EOGT: variants seen among roughly 807,000 people sequenced by gnomAD.
EOGT encodes EGF domain specific O-linked N-acetylglucosamine transferase.
Under a neutral mutation model 70.5 loss-of-function variants are expected in EOGT, and 55 were observed. That is an observed-to-expected ratio of 0.78 (90% CI 0.63 to 0.98). The LOEUF (loss-of-function observed/expected upper bound fraction) is 0.98, where lower values mean the gene tolerates loss of function less well. Among genes scored for constraint, EOGT ranks in the 50% least tolerant of loss-of-function variants. EOGT has a pLI of 0.00. For missense variants in EOGT, 703 were observed against 641.9 expected (o/e 1.10, Z -1.03); for synonymous variants, 246 against 217.1 (o/e 1.13, Z -1.17).
At position 68,988,493 on chromosome 3, in the gene EOGT, A is replaced by G. The variant is rs1287780470; in HGVS notation, c.996+13T>C. 1 of 1,518,726 alleles carries G rather than the reference A, an allele frequency of 6.6e-7. No homozygotes were observed. Among genetic ancestry groups the G allele is most frequent in the East Asian group, 2.4e-5 (1 of 40,824 alleles). 94.1% of individuals were successfully genotyped at this position (1,518,726 alleles called of 1,614,324 possible). ...CTGTAAATATGAATGCTAATGGTAG[A>G]CAATGTGCTTACCAGAGGAGTATTA... On this transcript the variant is annotated intron_variant, in intron 12 of 17. Coordinates refer to ENST00000383701, the MANE Select transcript of EOGT (RefSeq NM_001278689.2).
chr3:68,990,785 C>A (rs1045823919), intron 10 of EOGT, among the ~76,000 whole-genome samples: 2 of 151,926 alleles, frequency 1.3e-5, no homozygotes, highest in Non-Finnish European at 1.5e-5. Flanking sequence ...CATTCAAGCT[C>A]TACAGTTATA....
intron 3 of EOGT, 62 bp from the exon 4 acceptor site, chr3:69,009,922 AACAACAAC>A: frequency 3.3e-6 from 2 of 613,608 alleles, no homozygotes; most frequent in Non-Finnish European, 2.6e-6. Context: ...AAACAACAAC[AACAACAAC>A]AACAAAAAAA....
At chr3:69,002,583 T>C (rs2107344387) in intron 8 of EOGT, among the ~76,000 whole-genome samples, 1 of 152,140 alleles carries the variant, frequency 6.6e-6, no homozygotes, top group African/African-American at 2.4e-5. Context: ...TGGTAGATCA[T>C]TATTCTGAAT....
At chr3:68,977,807 G>T (rs1261760641) in intron 17 of EOGT, 43 bp from the exon 18 acceptor site, 2 of 1,570,982 alleles carry the variant, frequency 1.3e-6, no homozygotes, top group Non-Finnish European at 1.7e-6. Flanking sequence ...CTCAATGAGG[G>T]CATGGTTTTC....
intron 10 of EOGT, among the ~76,000 whole-genome samples, chr3:68,992,080 A>T (rs2091009601): frequency 6.6e-6 from 1 of 152,150 alleles, no homozygotes; most frequent in Non-Finnish European, 1.5e-5. Flanking sequence ...TTTGGTGGGG[A>T]CACAGCCAAA....
In EOGT at chr3:68,978,332, C is replaced by T; in HGVS notation, c.1437+1G>A. ...AGGTAAGTTTTGTGATTGAACTTTA[C>T]CTTATCCTGAGGAAAGACTTTGTTC... On this transcript the variant is annotated splice_donor_variant, in intron 17 of 17. Transcript: ENST00000383701. LOFTEE classifies it high-confidence loss of function. 1 of 1,608,966 alleles carries T rather than the reference C, an allele frequency of 6.2e-7. No homozygotes were observed. The highest frequency in any genetic ancestry group is 8.5e-7 in the Non-Finnish European group (1 of 1,177,256).
intron 10 of EOGT, among the ~76,000 whole-genome samples, chr3:68,989,665 T>C (rs2090924184): frequency 1.3e-5 from 2 of 150,170 alleles, no homozygotes; most frequent in South Asian, 4.2e-4. Flanking sequence ...GGAGAATCAC[T>C]TGAACCTGGG....
chr3:68,995,230 C>T (rs577867879), intron 10 of EOGT, among the ~76,000 whole-genome samples: 1 of 152,258 alleles, frequency 6.6e-6, no homozygotes, highest in Admixed American at 6.5e-5. Flanking sequence ...AATTTAAGTC[C>T]TTACCAACAA....
intron 10 of EOGT, among the ~76,000 whole-genome samples, chr3:68,990,248 T>TG (rs2090952003): frequency 6.6e-6 from 1 of 152,090 alleles, no homozygotes; most frequent in South Asian, 2.1e-4. Flanking sequence ...GCGAAGCAGC[T>TG]GAGTTATAGA....
At chr3:68,983,764 G>C in intron 14 of EOGT, among the ~76,000 whole-genome samples, 1 of 152,188 alleles carries the variant, frequency 6.6e-6, no homozygotes, top group East Asian at 1.9e-4. Flanking sequence ...AGGAGTTCGA[G>C]ACCAACCTGA....
intron 13 of EOGT, chr3:68,987,848 G>T (rs1365927153): frequency 4.2e-5 from 16 of 382,436 alleles, no homozygotes; most frequent in Non-Finnish European, 7.0e-5. Flanking sequence ...GCACATTCTT[G>T]TAATATCCCT....
chr3:68,977,880 C>T, intron 17 of EOGT, 116 bp from the exon 18 acceptor site: 1 of 1,069,326 alleles, frequency 9.4e-7, no homozygotes, highest in South Asian at 1.7e-5. Context: ...ACATCAGAGA[C>T]CAGCAAACTT....
At chr3:68,980,829 C>T (rs2090617955) in intron 15 of EOGT, among the ~76,000 whole-genome samples, 2 of 152,228 alleles carry the variant, frequency 1.3e-5, no homozygotes, top group Non-Finnish European at 1.5e-5. Context: ...GGTCAGCACT[C>T]ACCAATCCCC....
At chr3:68,994,920 G>A (rs1390434281) in intron 10 of EOGT, among the ~76,000 whole-genome samples, 1 of 152,210 alleles carries the variant, frequency 6.6e-6, no homozygotes, top group Admixed American at 6.5e-5. Context: ...GCCCAGAGAG[G>A]CATCTGAAGA....
At chr3:68,987,815 G>A (rs1321435715) in intron 13 of EOGT, 13 of 434,784 alleles carry the variant, frequency 3.0e-5, no homozygotes, top group East Asian at 2.6e-4. Context: ...AACCAATGAA[G>A]GGGGAAAGGA....
At position 68,977,543 on chromosome 3, in the gene EOGT, G is replaced by A. The variant is rs1575698635; in HGVS notation, c.*75C>T. On this transcript the variant is annotated 3_prime_UTR_variant, in exon 18 of 18. Transcript: ENST00000383701. Reference sequence around the variant, plus strand: ...ATTCGGGGATAGGAAATAACAGATTGCTTTACTGATTTAATTCTAAGTCTG... The same window carrying A: ...ATTCGGGGATAGGAAATAACAGATTACTTTACTGATTTAATTCTAAGTCTG... 6.7e-7 allele frequency: 1 copy of A among 1,483,500 alleles called. No individual in the cohort carries two copies. The highest frequency in any genetic ancestry group is 9.3e-7 in the Non-Finnish European group (1 of 1,074,026). 91.9% of individuals were successfully genotyped at this position (1,483,500 alleles called of 1,614,324 possible). A position where few individuals can be genotyped will look rare whatever the true frequency, so the allele number is the denominator to read the frequency against.
intron 16 of EOGT, 108 bp downstream of exon 16, chr3:68,979,560 T>C: frequency 7.9e-7 from 1 of 1,258,568 alleles, no homozygotes; most frequent in Non-Finnish European, 1.1e-6. Context: ...GTGACTTCTC[T>C]TTTTGAATGA....
intron 3 of EOGT, among the ~76,000 whole-genome samples, chr3:69,010,596 G>C (rs1285962190): frequency 6.6e-6 from 1 of 152,220 alleles, no homozygotes; most frequent in Non-Finnish European, 1.5e-5. Flanking sequence ...TCATAGAGCT[G>C]TCATGAGTTA....
At chr3:68,984,303 T>C (rs569883503) in intron 14 of EOGT, among the ~76,000 whole-genome samples, 1 of 151,114 alleles carries the variant, frequency 6.6e-6, no homozygotes, top group Admixed American at 6.6e-5. Flanking sequence ...TTATAAAGAG[T>C]TGAAGGGGTA....
Sources: allele counts gnomAD v4.1 joint callset (sites outside exome capture counted in the v4.1 genomes callset), GRCh38; gene constraint gnomAD v4.1.1; transcripts MANE v1.5; gene names NCBI Gene and HGNC (gene_info 2026-07-23, HGNC 2026-07-21).